The following ATP5IF1 variants were observed in gnomAD, a reference collection of about 807,000 sequenced individuals.
ATP5IF1 encodes the protein ATP synthase inhibitory factor subunit 1, also known as ATPase inhibitor, mitochondrial.
A neutral mutation model predicts 8.5 loss-of-function variants in ATP5IF1; 12 were observed. The ratio of observed to expected loss-of-function variants is 1.41; its 90% CI spans 0.90 to 2.28. The LOEUF (loss-of-function observed/expected upper bound fraction) is 2.28, where lower values mean the gene tolerates loss of function less well. ATP5IF1 is among the 30% of genes most tolerant of loss of function. The probability of loss-of-function intolerance (pLI) is 0.00; values close to 1 mark genes in which losing one functional copy is unlikely to be tolerated. For missense variants in ATP5IF1, 154 were observed against 140.2 expected (o/e 1.10, Z -0.50); for synonymous variants, 51 against 53.4 (o/e 0.96, Z 0.19).
chr1:28,236,545 G>A (rs779798517), intron 2 of ATP5IF1, 93 bp downstream of exon 2: 19 of 1,575,912 alleles, frequency 1.2e-5, no homozygotes, highest in Non-Finnish European at 1.6e-5. Context: ...CCTACCTGGT[G>A]CCTTGGGCGC....
At chr1:28,237,769 G>A (rs141948364) in intron 2 of ATP5IF1, 68 bp from the exon 3 acceptor site, 11 of 1,613,974 alleles carry the variant, frequency 6.8e-6, no homozygotes, top group Non-Finnish European at 9.3e-6. Flanking sequence ...AGACATTACA[G>A]GTTATGCTTT....
At chr1:28,237,301 A>G (rs1647045981) in intron 2 of ATP5IF1, 1 of 999,888 alleles carries the variant, frequency 1.0e-6, no homozygotes, top group South Asian at 4.4e-5. Flanking sequence ...AGTTAAGGAA[A>G]ACTGAGGCCT....
chr1:28,237,534 G>A (rs1423283066), intron 2 of ATP5IF1: 23 of 1,368,948 alleles, frequency 1.7e-5, no homozygotes, highest in Non-Finnish European at 2.2e-5. Flanking sequence ...TTTCCCTAAA[G>A]GGGAGTCAAG....
Position 28,236,353 on chromosome 1 carries a change from CT to C in ATP5IF1, c.88-7del. ...CGTACCTTTACCAGTGTCCCTGTCT[CT>C]CTGCAGTCCGAGAATGTCGACCGGG... On this transcript the variant is annotated splice_polypyrimidine_tract_variant and splice_region_variant and intron_variant, in intron 1 of 2. Coordinates refer to ENST00000335514, the MANE Select transcript of ATP5IF1 (RefSeq NM_016311.5). The C allele has an allele frequency of 6.2e-7, 1 of 1,614,244 alleles. No individual in the cohort carries two copies. The highest frequency in any genetic ancestry group is 8.5e-7 in the Non-Finnish European group (1 of 1,180,046).
At position 28,237,853 on chromosome 1, in the gene ATP5IF1, C is replaced by A; in HGVS notation, c.196C>A (p.Gln66Lys). ...ERYFRAQSRE[Q>K]LAALKKHHEE... ...TCCTTGTAGAGCACAGAGTAGAGAA[C>A]AACTGGCAGCTTTGAAAAAACACCA... The change falls in exon 3 of 3, where the codon CAA (glutamine) becomes AAA (lysine). Residue 66 changes from glutamine (Q) to lysine (K), a missense_variant. By Grantham distance (53) the Gln-to-Lys change is moderately conservative. Coordinates refer to ENST00000335514, the MANE Select transcript of ATP5IF1 (RefSeq NM_016311.5). 1 of 1,614,132 alleles carries A rather than the reference C, an allele frequency of 6.2e-7. No individual in the cohort carries two copies. Among genetic ancestry groups the A allele is most frequent in the Non-Finnish European group, 8.5e-7 (1 of 1,180,024 alleles).
intron 2 of ATP5IF1, 52 bp from the exon 3 acceptor site, chr1:28,237,785 C>T (rs1301067460): frequency 6.2e-7 from 1 of 1,614,152 alleles, no homozygotes. Flanking sequence ...GCTTTGAGAT[C>T]TCTTTGGGGT....
At position 28,237,907 on chromosome 1, in the gene ATP5IF1, G is replaced by T; in HGVS notation, c.250G>T (p.Glu84Ter). The T allele has an allele frequency of 2.5e-6, 4 of 1,614,076 alleles. No individual in the cohort carries two copies. The highest frequency in any genetic ancestry group is 3.4e-6 in the Non-Finnish European group (4 of 1,180,028). The change falls in exon 3 of 3, where the codon GAG becomes TAG. Residue 84 changes from glutamate (E) to a stop codon, truncating the protein, a stop_gained. Transcript: ENST00000335514. LOFTEE classifies it high-confidence loss of function. ...AGAAGAAATCGTTCATCATAAGAAG[G>T]AGATTGAGCGTCTGCAGAAAGAAAT... is the stretch of plus-strand genomic sequence containing the variant. ...HEEEIVHHKK[E>*]IERLQKEIER...
chr1:28,237,195 C>G (rs755055106), intron 2 of ATP5IF1: 28 of 991,272 alleles, frequency 2.8e-5, no homozygotes, highest in Non-Finnish European at 3.2e-5. Flanking sequence ...TCACTTCTGC[C>G]TTCTGTTGAG....
intron 2 of ATP5IF1, chr1:28,237,544 G>C (rs1027523774): frequency 7.3e-7 from 1 of 1,368,390 alleles, no homozygotes; most frequent in African/African-American, 1.5e-5. Context: ...GGGGAGTCAA[G>C]TTCCCTGGGT....
chr1:28,236,965 GATGGGAGCTGGTC>G, intron 2 of ATP5IF1: 1 of 1,053,974 alleles, frequency 9.5e-7, no homozygotes, highest in Non-Finnish European at 1.1e-6. Context: ...GAGTGAGGAT[GATGGGAGCTGGTC>G]ATGGGAGCTA....
chr1:28,237,728 C>T, intron 2 of ATP5IF1, 109 bp from the exon 3 acceptor site: 1 of 1,612,954 alleles, frequency 6.2e-7, no homozygotes, highest in Non-Finnish European at 8.5e-7. Flanking sequence ...CAGCTAGACT[C>T]CCATGGAATT....
rs1647033466 is a variant in ATP5IF1 at position 28,236,234 on chromosome 1, G to A, written c.51G>A (p.Val17=). Residue 17 remains valine, a synonymous_variant, in exon 1 of 3, where the codon GTG becomes GTA. Coordinates refer to ENST00000335514, the MANE Select transcript of ATP5IF1 (RefSeq NM_016311.5). The part of the protein sequence containing the change: ...AARTWLGVWG[V]RTMQARGFGS... ...GGACGTGGCTTGGCGTGTGGGGCGT[G>A]AGGACCATGCAAGCCCGAGGCTTCG... 1.2e-6 allele frequency: 2 copies of A among 1,613,950 alleles called. No individual in the cohort carries two copies. Among genetic ancestry groups the A allele is most frequent in the Non-Finnish European group, 1.7e-6 (2 of 1,180,006 alleles).
intron 2 of ATP5IF1, 93 bp from the exon 3 acceptor site, chr1:28,237,744 T>C: frequency 3.7e-6 from 6 of 1,613,880 alleles, no homozygotes; most frequent in Non-Finnish European, 5.1e-6. Context: ...GAATTGGAAC[T>C]CCTATTCCTT....
At position 28,236,415 on chromosome 1, in the gene ATP5IF1, G is replaced by A. The variant is rs757506898; in HGVS notation, c.142G>A (p.Gly48Arg). The A allele has an allele frequency of 3.7e-6, 6 of 1,614,076 alleles. No individual in the cohort carries two copies. Among genetic ancestry groups the A allele is most frequent in the South Asian group, 1.1e-5 (1 of 91,086 alleles). ...CATCCGGGAAGCCGGTGGGGCCTTCGGAAAGAGAGAGCAGGCTGAAGAGGA... is the reference window on the plus strand; with the variant it reads ...CATCCGGGAAGCCGGTGGGGCCTTCAGAAAGAGAGAGCAGGCTGAAGAGGA... ...GSIREAGGAF[G>R]KREQAEEERY... Residue 48 changes from glycine to arginine, a missense_variant, in exon 2 of 3, where the codon GGA becomes AGA. Gly to Arg is a moderately radical substitution (Grantham distance 125). Coordinates refer to ENST00000335514, the MANE Select transcript of ATP5IF1 (RefSeq NM_016311.5).
chr1:28,237,926 A>C lies in ATP5IF1; in HGVS notation c.269A>C (p.Lys90Thr), dbSNP rs746179050. ...AAGAAGGAGATTGAGCGTCTGCAGA[A>C]AGAAATTGAGCGCCATAAGCAGAAG... ...HHKKEIERLQ[K>T]EIERHKQKIK... Residue 90 changes from lysine to threonine, a missense_variant, in exon 3 of 3, where the codon AAA becomes ACA. By Grantham distance (78) the Lys-to-Thr change is moderately conservative (BLOSUM62 -1). Transcript: ENST00000335514. The C allele has an allele frequency of 1.2e-6, 2 of 1,613,986 alleles. No homozygotes were observed. Among genetic ancestry groups the C allele is most frequent in the Admixed American group, 1.7e-5 (1 of 60,026 alleles).
At position 28,236,453 on chromosome 1, in the gene ATP5IF1, G is replaced by C. The variant is rs375041083; in HGVS notation, c.179+1G>C. 6.2e-7 allele frequency: 1 copy of C among 1,614,200 alleles called. No individual in the cohort carries two copies. On this transcript the variant is annotated splice_donor_variant, in intron 2 of 2. Coordinates refer to ENST00000335514, the MANE Select transcript of ATP5IF1 (RefSeq NM_016311.5). LOFTEE classifies it high-confidence loss of function. Reference sequence around the variant, plus strand: ...AGGCTGAAGAGGAACGATATTTCCGGTGAGGCTCACCGGGTCCCAAGTCCA... The same window carrying C: ...AGGCTGAAGAGGAACGATATTTCCGCTGAGGCTCACCGGGTCCCAAGTCCA...
Position 28,236,273 on chromosome 1 carries a change from A to ACGCTGCGGCAGTGTC in ATP5IF1, c.87+10_87+24dup, listed in dbSNP as rs1553169428. The stretch of plus-strand genomic sequence containing the variant: ...CCCGAGGCTTCGGCTCGGATCAGGT[A>ACGCTGCGGCAGTGTC]CGCTGCGGCAGTGTCCGCTGCTCCA... On this transcript the variant is annotated splice_donor_region_variant and intron_variant, in intron 1 of 2. Transcript: ENST00000335514. 1 of 1,614,032 alleles carries ACGCTGCGGCAGTGTC rather than the reference A, an allele frequency of 6.2e-7. No homozygotes were observed. The highest frequency in any genetic ancestry group is 1.3e-5 in the African/African-American group (1 of 74,952).
chr1:28,237,320 C>A, intron 2 of ATP5IF1: 1 of 1,005,540 alleles, frequency 9.9e-7, no homozygotes, highest in Non-Finnish European at 1.2e-6. Flanking sequence ...CTAAATGTGA[C>A]CAAACCAACA....
chr1:28,236,556 C>T (rs776246755), intron 2 of ATP5IF1, 104 bp downstream of exon 2: 1 of 1,565,210 alleles, frequency 6.4e-7, no homozygotes, highest in Non-Finnish European at 8.6e-7. Flanking sequence ...CCTTGGGCGC[C>T]CCATCCCCCA....
Sources: allele counts gnomAD v4.1 joint callset, GRCh38; gene constraint gnomAD v4.1.1; transcripts MANE v1.5; gene names NCBI Gene and HGNC (gene_info 2026-07-23, HGNC 2026-07-21).